Variants in TACR1 observed in about 807,000 individuals in gnomAD.
TACR1 encodes substance-P receptor.
TACR1 carries 25 observed loss-of-function variants against 35.8 expected under a neutral mutation model. That is an observed-to-expected ratio of 0.70 (90% CI 0.51 to 0.98). TACR1 has a LOEUF of 0.98. Ranked by LOEUF, TACR1 falls within the 50% of genes least tolerant of loss-of-function variation. The pLI, the probability that TACR1 is intolerant of heterozygous loss-of-function variation, is 0.00. For synonymous variants in TACR1, 195 were observed against 206.7 expected, an observed-to-expected ratio of 0.94 and a Z score of 0.48; for missense variants, 478 against 522.9, an observed-to-expected ratio of 0.91 and a Z score of 0.84.
chr2:75,132,676 A>G (rs533897286), intron 1 of TACR1, among the ~76,000 whole-genome samples: 25 of 152,004 alleles, frequency 1.6e-4, no homozygotes, highest in Admixed American at 6.5e-4. Context: ...TTTTCTTTGG[A>G]ACTTTATCTT....
At chr2:75,096,510 T>A (rs1673428475) in intron 2 of TACR1, among the ~76,000 whole-genome samples, 1 of 152,244 alleles carries the variant, frequency 6.6e-6, no homozygotes, top group African/African-American at 2.4e-5. Context: ...TTGTGTTGTA[T>A]TCTTAATATA....
rs891505811 is a variant in TACR1, at chr2:75,182,142, G to A, written c.389+16404C>T. On this transcript the variant is annotated intron_variant, in intron 1 of 4. Coordinates refer to ENST00000305249, the MANE Select transcript of TACR1 (RefSeq NM_001058.4). ...CCTGGTGTTCTTCTCCAGGCCTCTC[G>A]CCTGTGTTTCAGACAGCAAGAAAGG... 8.5e-5 allele frequency among the ~76,000 whole-genome samples: 13 copies of A among 152,266 alleles called. No individual in the cohort carries two copies. The South Asian group carries it at 1.9e-3, about 22-fold the overall frequency.
At chr2:75,068,118 C>T (rs1672803540) in intron 2 of TACR1, among the ~76,000 whole-genome samples, 1 of 152,156 alleles carries the variant, frequency 6.6e-6, no homozygotes, top group African/African-American at 2.4e-5. Flanking sequence ...AGCTATTTAT[C>T]TATCTATTGA....
intron 2 of TACR1, chr2:75,090,705 T>TAA (rs1673291975): frequency 6.5e-6 from 1 of 154,042 alleles, no homozygotes; most frequent in Non-Finnish European, 1.5e-5. Context: ...CTCTTACACC[T>TAA]TTTGAGAATT....
intron 2 of TACR1, among the ~76,000 whole-genome samples, chr2:75,079,648 T>A (rs1286599799): frequency 6.6e-6 from 1 of 152,162 alleles, no homozygotes. Context: ...TTCTTTCTCT[T>A]GAAGGTTCCC....
rs144995669 is a variant in TACR1 at position 75,136,938 on chromosome 2, C to T, written c.390-16170G>A. Among the ~76,000 whole-genome samples, 142 of 152,250 alleles carry T rather than the reference C, an allele frequency of 9.3e-4. 1 individual carries two copies. The highest frequency in any genetic ancestry group is 6.9e-3 in the Admixed American group (106 of 15,302). ...TAGACTACCTAGGAGATCTGTGATG[C>T]CTACAACTGGCTTAGGCCGGGGTCT... On this transcript the variant is annotated intron_variant, in intron 1 of 4. Transcript: ENST00000305249.
chr2:75,049,264 T>G lies in TACR1; in HGVS notation c.*168A>C. Reference sequence around the variant, plus strand: ...GAGGGTGGCAAAGATAGGGAAGAATTGAGATTTTTTGACTCAAGGATGGAA... The same window carrying G: ...GAGGGTGGCAAAGATAGGGAAGAATGGAGATTTTTTGACTCAAGGATGGAA... On this transcript the variant is annotated 3_prime_UTR_variant, in exon 5 of 5. Coordinates refer to ENST00000305249, the MANE Select transcript of TACR1 (RefSeq NM_001058.4). 2.8e-6 allele frequency: 2 copies of G among 718,326 alleles called. No individual in the cohort carries two copies. Among genetic ancestry groups the G allele is most frequent in the Non-Finnish European group, 4.5e-6 (2 of 447,986 alleles). The allele number at this position is 718,326 out of a possible 1,614,324, so 44.5% of individuals were successfully genotyped here. A position where few individuals can be genotyped will look rare whatever the true frequency, so the allele number is the denominator to read the frequency against.
intron 3 of TACR1, among the ~76,000 whole-genome samples, chr2:75,052,174 G>T (rs965110409): frequency 1.7e-4 from 26 of 152,082 alleles, no homozygotes; most frequent in African/African-American, 6.3e-4. Flanking sequence ...GTGGCCTTTG[G>T]GAACTAATTA....
chr2:75,141,996 C>G (rs1219447841), intron 1 of TACR1, among the ~76,000 whole-genome samples: 3 of 152,200 alleles, frequency 2.0e-5, no homozygotes, highest in East Asian at 1.9e-4. Context: ...TTATTGCACT[C>G]TACTTGATCT....
In TACR1 at chr2:75,159,400, C is replaced by T. The variant is rs184239926; in HGVS notation, c.390-38632G>A. Among the ~76,000 whole-genome samples, 256 of 152,138 alleles carry T rather than the reference C, an allele frequency of 1.7e-3. 1 individual carries two copies. The highest frequency in any genetic ancestry group is 2.8e-3 in the Non-Finnish European group (188 of 68,002). On this transcript the variant is annotated intron_variant, in intron 1 of 4. Coordinates refer to ENST00000305249, the MANE Select transcript of TACR1 (RefSeq NM_001058.4). ...AAATCTAATAAATTCTGATTTTTCT[C>T]TCCCCAACTTCCTGTGATATAACTA...
rs563996042 is a variant in TACR1 at position 75,094,279 on chromosome 2, T to C, written c.584+26295A>G. On this transcript the variant is annotated intron_variant, in intron 2 of 4. Coordinates refer to ENST00000305249, the MANE Select transcript of TACR1 (RefSeq NM_001058.4). ...TCCAGATTAAATGTTCCATAAATAC[T>C]CTTTGAATTAAAATAAAGAGAAGTA... is the stretch of plus-strand genomic sequence containing the variant. Among the ~76,000 whole-genome samples, 162 of 152,296 alleles carry C rather than the reference T, an allele frequency of 1.1e-3. 1 individual carries two copies. Among genetic ancestry groups the C allele is most frequent in the African/African-American group, 3.7e-3 (152 of 41,566 alleles).
chr2:75,167,724 G>A lies in TACR1; in HGVS notation c.389+30822C>T, dbSNP rs1675179507. On this transcript the variant is annotated intron_variant, in intron 1 of 4. Transcript: ENST00000305249. ...AACAAATAAATGCTTGGTATATTATGTAGAACTCTGAATGTCAAAAAGATC... is the reference window on the plus strand; with the variant it reads ...AACAAATAAATGCTTGGTATATTATATAGAACTCTGAATGTCAAAAAGATC... Among the ~76,000 whole-genome samples the A allele has an allele frequency of 3.3e-5, 5 of 152,142 alleles. No homozygotes were observed. In the South Asian group the frequency reaches 1.0e-3, roughly 32 times the overall value.
Position 75,137,169 on chromosome 2 carries a change from G to A in TACR1, c.390-16401C>T, listed in dbSNP as rs530160596. ...GTTAGGATGGGGAGGGGGATTGAAGGCTGATTGTTTCAGTCCCCTCACTAG... is the reference window on the plus strand; with the variant it reads ...GTTAGGATGGGGAGGGGGATTGAAGACTGATTGTTTCAGTCCCCTCACTAG... On this transcript the variant is annotated intron_variant, in intron 1 of 4. Transcript: ENST00000305249. 2.0e-5 allele frequency among the ~76,000 whole-genome samples: 3 copies of A among 152,200 alleles called. No individual in the cohort carries two copies. In the East Asian group the frequency reaches 5.8e-4, roughly 29 times the overall value.
intron 1 of TACR1, among the ~76,000 whole-genome samples, chr2:75,181,939 GC>G (rs1419306455): frequency 2.6e-5 from 4 of 152,128 alleles, no homozygotes; most frequent in Non-Finnish European, 4.4e-5. Flanking sequence ...TTTATCAAGC[GC>G]TCAAAGAACT....
At chr2:75,063,774 G>A (rs1398039262) in intron 2 of TACR1, among the ~76,000 whole-genome samples, 4 of 152,156 alleles carry the variant, frequency 2.6e-5, no homozygotes, top group African/African-American at 4.8e-5. Context: ...GATTACTCTG[G>A]TCTTAACTCA....
chr2:75,096,174 C>G (rs1000810879), intron 2 of TACR1, among the ~76,000 whole-genome samples: 2 of 152,186 alleles, frequency 1.3e-5, no homozygotes, highest in Non-Finnish European at 2.9e-5. Flanking sequence ...TTGTAAAACT[C>G]ATGAAATCCC....
intron 1 of TACR1, among the ~76,000 whole-genome samples, chr2:75,128,306 C>G (rs1196591400): frequency 6.6e-6 from 1 of 152,210 alleles, no homozygotes; most frequent in Non-Finnish European, 1.5e-5. Flanking sequence ...ATGTGAGGCA[C>G]TAAGCCAGGA....
chr2:75,105,398 G>A (rs1673618846), intron 2 of TACR1, among the ~76,000 whole-genome samples: 1 of 151,986 alleles, frequency 6.6e-6, no homozygotes, highest in Non-Finnish European at 1.5e-5. Flanking sequence ...GAATGGAGAT[G>A]TTGGTCAAAG....
At chr2:75,095,881 T>A (rs1673412390) in intron 2 of TACR1, among the ~76,000 whole-genome samples, 1 of 152,146 alleles carries the variant, frequency 6.6e-6, no homozygotes, top group Admixed American at 6.5e-5. Flanking sequence ...AGAGCCTCCA[T>A]CACCTAAGTT....
Sources: gnomAD v4.1 joint callset for allele counts (sites outside exome capture counted in the v4.1 genomes callset) on GRCh38, gnomAD v4.1.1 for gene constraint, MANE v1.5 for transcripts, NCBI Gene and HGNC (gene_info 2026-07-23, HGNC 2026-07-21) for gene names.